The following RREB1 variants were observed in gnomAD, a reference collection of about 807,000 sequenced individuals.
RREB1 encodes ras responsive element binding protein 1, also known as ras-responsive element-binding protein 1.
A neutral mutation model predicts 117.8 loss-of-function variants in RREB1; 27 were observed. The observed-to-expected ratio is 0.23, with a 90% CI of 0.17 to 0.32. RREB1 has a LOEUF of 0.32. Ranked by LOEUF, RREB1 falls within the 10% of genes least tolerant of loss-of-function variation. The pLI is 1.00. For synonymous variants in RREB1, 1,298 were observed against 1,026.7 expected, an observed-to-expected ratio of 1.26 and a Z score of -5.05; for missense variants, 2,577 against 2,378.2, an observed-to-expected ratio of 1.08 and a Z score of -1.74.
Position 7,231,396 on chromosome 6 carries a change from G to A in RREB1, c.3297G>A (p.Thr1099=), listed in dbSNP as rs116628295. 577 of 1,613,480 alleles carry A rather than the reference G, an allele frequency of 3.6e-4. 1 individual carries two copies. In the African/African-American group the frequency reaches 6.0e-3, roughly 17 times the overall value. The change falls in exon 10 of 13, where the codon ACG becomes ACA. Residue 1099 remains threonine (T), a synonymous_variant. Coordinates refer to ENST00000379938, the MANE Select transcript of RREB1 (RefSeq NM_001003699.4). The stretch of plus-strand genomic sequence containing the variant: ...CCGCAAGCACTGGCAGTAACACCAC[G>A]GCTTCAGACAGCTTAGGAGGTTCTG... ...PGPASTGSNT[T]ASDSLGGSVP...
At chr6:7,227,473 T>C (rs1242240125) in intron 9 of RREB1, among the ~76,000 whole-genome samples, 1 of 151,314 alleles carries the variant, frequency 6.6e-6, no homozygotes, top group Non-Finnish European at 1.5e-5. Flanking sequence ...CCCGGGAGGC[T>C]GAGGTTGCAG....
At chr6:7,225,081 G>C (rs1423633632) in intron 8 of RREB1, among the ~76,000 whole-genome samples, 1 of 152,192 alleles carries the variant, frequency 6.6e-6, no homozygotes, top group Non-Finnish European at 1.5e-5. Flanking sequence ...CTTCGTGGCT[G>C]ACTTCGTTAT....
intron 5 of RREB1, among the ~76,000 whole-genome samples, chr6:7,188,258 C>T (rs888512306): frequency 3.7e-4 from 37 of 100,716 alleles, no homozygotes; most frequent in South Asian, 9.6e-4. Context: ...TGTGTGCGCG[C>T]GCGCACGTGT....
rs70978941 is a variant in RREB1, at chr6:7,117,388, G to GTT, written c.-285+9364_-285+9365dup. 3.5e-3 allele frequency among the ~76,000 whole-genome samples: 224 copies of GTT among 63,286 alleles called. 32 individuals carry two copies. Among genetic ancestry groups the GTT allele is most frequent in the East Asian group, 0.012 (12 of 976 alleles). 41.5% of individuals were successfully genotyped at this position (63,286 alleles called of 152,430 possible). On this transcript the variant is annotated intron_variant, in intron 1 of 12. Coordinates refer to ENST00000379938, the MANE Select transcript of RREB1 (RefSeq NM_001003699.4). ...GGTGAACCATGTGAATAGGTTTCCTGTTTTTTTTTTTTTTTTTTTTTTTTT... is the reference window on the plus strand; with the variant it reads ...GGTGAACCATGTGAATAGGTTTCCTGTTTTTTTTTTTTTTTTTTTTTTTTTTT...
chr6:7,196,700 T>A (rs1357316286), intron 6 of RREB1, among the ~76,000 whole-genome samples: 3 of 152,196 alleles, frequency 2.0e-5, no homozygotes, highest in Non-Finnish European at 4.4e-5. Context: ...AAGACCTTTT[T>A]AATTTATTAC....
At chr6:7,133,592 T>C (rs565894003) in intron 1 of RREB1, among the ~76,000 whole-genome samples, 115 of 152,268 alleles carry the variant, frequency 7.6e-4, no homozygotes, top group African/African-American at 2.7e-3. Context: ...AATGTTCTTA[T>C]TCATTGTACA....
chr6:7,121,327 G>A (rs895581339), intron 1 of RREB1, among the ~76,000 whole-genome samples: 7 of 152,052 alleles, frequency 4.6e-5, no homozygotes, highest in Non-Finnish European at 1.0e-4. Context: ...TTGAGCATAG[G>A]GTTCATGGGA....
chr6:7,237,838 T>A (rs1386761201), intron 10 of RREB1, among the ~76,000 whole-genome samples: 12 of 152,184 alleles, frequency 7.9e-5, no homozygotes, highest in Admixed American at 7.9e-4. Flanking sequence ...ATGACTCATG[T>A]GAGTTGTTAT....
At chr6:7,125,794 G>A (rs1448567613) in intron 1 of RREB1, among the ~76,000 whole-genome samples, 3 of 152,082 alleles carry the variant, frequency 2.0e-5, no homozygotes, top group Non-Finnish European at 2.9e-5. Flanking sequence ...CAAGCAGGAA[G>A]AGCCGTGTGG....
At chr6:7,156,031 G>A (rs1046070162) in intron 1 of RREB1, among the ~76,000 whole-genome samples, 1 of 152,204 alleles carries the variant, frequency 6.6e-6, no homozygotes, top group African/African-American at 2.4e-5. Context: ...GCTAAGCTTT[G>A]TATAACTCAC....
At chr6:7,129,894 TATA>T (rs1762081371) in intron 1 of RREB1, among the ~76,000 whole-genome samples, 2 of 152,204 alleles carry the variant, frequency 1.3e-5, no homozygotes, top group African/African-American at 4.8e-5. Flanking sequence ...TAGACGGGTG[TATA>T]TACCAAGACC....
At chr6:7,111,139 G>A (rs562925620) in intron 1 of RREB1, among the ~76,000 whole-genome samples, 1 of 152,350 alleles carries the variant, frequency 6.6e-6, no homozygotes, top group Non-Finnish European at 1.5e-5. Flanking sequence ...TATTAGTCCA[G>A]CATCTGATCA....
At chr6:7,223,485 G>A (rs898147158) in intron 8 of RREB1, among the ~76,000 whole-genome samples, 9 of 146,668 alleles carry the variant, frequency 6.1e-5, no homozygotes, top group South Asian at 2.1e-4. Context: ...CACTTGAACC[G>A]GGGAAGCAGA....
chr6:7,186,670 G>A lies in RREB1; in HGVS notation c.172-764G>A, dbSNP rs73719067. 4.3e-3 allele frequency among the ~76,000 whole-genome samples: 656 copies of A among 152,292 alleles called. 6 individuals carry two copies. The highest frequency in any genetic ancestry group is 0.015 in the African/African-American group (616 of 41,566). On this transcript the variant is annotated intron_variant, in intron 4 of 12. Transcript: ENST00000379938. ...GATCTGTAGCATAGGGTTAGTGAAC[G>A]ACATTGGCTTTTTCTGAAAAAGACA...
At position 7,189,139 on chromosome 6, in the gene RREB1, G is replaced by A. The variant is rs1259604641; in HGVS notation, c.262-20G>A. On this transcript the variant is annotated intron_variant, in intron 5 of 12. Coordinates refer to ENST00000379938, the MANE Select transcript of RREB1 (RefSeq NM_001003699.4). ...TGATGCACTTTCTTAAGTGACCGCTGTGACCATTGCTTTCTGCAGCACAAC... is the reference window on the plus strand; with the variant it reads ...TGATGCACTTTCTTAAGTGACCGCTATGACCATTGCTTTCTGCAGCACAAC... The A allele has an allele frequency of 1.9e-6, 3 of 1,606,382 alleles. No individual in the cohort carries two copies. In the African/African-American group the frequency reaches 4.0e-5, roughly 21 times the overall value.
intron 10 of RREB1, among the ~76,000 whole-genome samples, chr6:7,233,126 C>G (rs1016501258): frequency 2.6e-5 from 4 of 152,022 alleles, no homozygotes; most frequent in African/African-American, 9.7e-5. Flanking sequence ...AAACTCCTGA[C>G]CTCAGGTGAT....
At chr6:7,153,460 T>C (rs1268347935) in intron 1 of RREB1, among the ~76,000 whole-genome samples, 2 of 137,074 alleles carry the variant, frequency 1.5e-5, no homozygotes, top group Non-Finnish European at 3.1e-5. Flanking sequence ...TCCAATGTAT[T>C]TACTTTTCAC....
chr6:7,130,200 T>C (rs187771475), intron 1 of RREB1, among the ~76,000 whole-genome samples: 11 of 152,378 alleles, frequency 7.2e-5, no homozygotes, highest in Admixed American at 4.6e-4. Context: ...CTTTTACTGA[T>C]AATTCCTCCA....
At chr6:7,248,460 T>C in intron 12 of RREB1, 51 bp from the exon 13 acceptor site, 1 of 1,501,684 alleles carries the variant, frequency 6.7e-7, no homozygotes, top group Non-Finnish European at 9.2e-7. Flanking sequence ...CAGGGTGCAG[T>C]GGGTACTGGT....
Sources: allele counts gnomAD v4.1 joint callset (sites outside exome capture counted in the v4.1 genomes callset), GRCh38; gene constraint gnomAD v4.1.1; transcripts MANE v1.5; gene names NCBI Gene and HGNC (gene_info 2026-07-23, HGNC 2026-07-21).